COLEC12: variants seen among roughly 807,000 people sequenced by gnomAD.
The protein encoded by COLEC12 is collectin subfamily member 12.
Under a neutral mutation model 71.1 loss-of-function variants are expected in COLEC12, and 33 were observed. The ratio of observed to expected loss-of-function variants is 0.46; its 90% CI spans 0.35 to 0.62. COLEC12 has a LOEUF of 0.62. COLEC12 is among the 20% of genes least tolerant of loss of function. The pLI, the probability that COLEC12 is intolerant of heterozygous loss-of-function variation, is 0.00. For missense variants in COLEC12, 765 were observed against 916.1 expected, an observed-to-expected ratio of 0.84 and a Z score of 2.13; for synonymous variants, 350 against 353.0, an observed-to-expected ratio of 0.99 and a Z score of 0.10.
chr18:401,573 G>A (rs1539790), intron 2 of COLEC12, among the ~76,000 whole-genome samples: 34,562 of 152,164 alleles, frequency 0.23, 4,147 homozygotes, highest in Middle Eastern at 0.28. Flanking sequence ...AGTGCTCAGC[G>A]ACTGCCTCGG....
At chr18:369,351 A>G (rs888886139) in intron 2 of COLEC12, among the ~76,000 whole-genome samples, 1 of 151,038 alleles carries the variant, frequency 6.6e-6, no homozygotes, top group Non-Finnish European at 1.5e-5. Context: ...GACATGAAGC[A>G]TCGTTCCTTT....
chr18:494,915 T>C (rs1374937163), intron 1 of COLEC12, among the ~76,000 whole-genome samples: 1 of 152,214 alleles, frequency 6.6e-6, no homozygotes. Flanking sequence ...ATGTTTAATA[T>C]ATCCAAGTCC....
rs547419205 is a variant in COLEC12 at position 368,718 on chromosome 18, T to C, written c.59-11196A>G. Among the ~76,000 whole-genome samples the C allele has an allele frequency of 9.9e-5, 15 of 151,836 alleles. No individual in the cohort carries two copies. In the South Asian group the frequency reaches 1.7e-3, roughly 17 times the overall value. On this transcript the variant is annotated intron_variant, in intron 2 of 9. Coordinates refer to ENST00000400256, the MANE Select transcript of COLEC12 (RefSeq NM_130386.3). The stretch of plus-strand genomic sequence containing the variant: ...TCTCCACTAAAAAATACAAAAAAAT[T>C]AGCCGGGCGTGGTGGCGGGCGCCTG...
chr18:478,129 C>T (rs978091512), intron 2 of COLEC12, among the ~76,000 whole-genome samples: 61 of 152,242 alleles, frequency 4.0e-4, no homozygotes, highest in African/African-American at 1.4e-3. Context: ...GCTGCAGGGT[C>T]CCCCTCCACA....
At chr18:349,036 G>A (rs750433991) in intron 3 of COLEC12, among the ~76,000 whole-genome samples, 25 of 152,264 alleles carry the variant, frequency 1.6e-4, no homozygotes, top group Middle Eastern at 3.4e-3. Context: ...TCTTATCAGG[G>A]GTTTCCACTT....
intron 2 of COLEC12, among the ~76,000 whole-genome samples, chr18:437,137 C>T (rs1916423017): frequency 6.6e-6 from 1 of 152,204 alleles, no homozygotes; most frequent in Non-Finnish European, 1.5e-5. Context: ...TTGGCCCAAC[C>T]AAGGCCTCTC....
intron 2 of COLEC12, among the ~76,000 whole-genome samples, chr18:426,382 A>G (rs1416639688): frequency 6.6e-6 from 1 of 152,164 alleles, no homozygotes; most frequent in Non-Finnish European, 1.5e-5. Context: ...GGGGTCTGCG[A>G]GCAATTTTAC....
chr18:360,210 T>C lies in COLEC12; in HGVS notation c.59-2688A>G, dbSNP rs554798774. Among the ~76,000 whole-genome samples, 3 of 149,088 alleles carry C rather than the reference T, an allele frequency of 2.0e-5. No individual in the cohort carries two copies. In the South Asian group the frequency reaches 6.4e-4, roughly 32 times the overall value. Reference sequence around the variant, plus strand: ...TTTTTTTTTCTTTTTTGAGATGGAGTTTTGCTCTGTTGCCCAGGCTGGAGT... The same window carrying C: ...TTTTTTTTTCTTTTTTGAGATGGAGCTTTGCTCTGTTGCCCAGGCTGGAGT... On this transcript the variant is annotated intron_variant, in intron 2 of 9. Coordinates refer to ENST00000400256, the MANE Select transcript of COLEC12 (RefSeq NM_130386.3).
In COLEC12 at chr18:483,803, G is replaced by A. The variant is rs150721150; in HGVS notation, c.8-3046C>T. On this transcript the variant is annotated intron_variant, in intron 1 of 9. Transcript: ENST00000400256. ...TTTAAGAGAAACGCTGACCTGCTGCGTCTGCTTAGATATCCATTCGTTTGT... is the reference window on the plus strand; with the variant it reads ...TTTAAGAGAAACGCTGACCTGCTGCATCTGCTTAGATATCCATTCGTTTGT... Among the ~76,000 whole-genome samples the A allele has an allele frequency of 6.6e-5, 10 of 152,302 alleles. No individual in the cohort carries two copies. In the East Asian group the frequency reaches 1.3e-3, roughly 21 times the overall value.
intron 6 of COLEC12, 98 bp downstream of exon 6, chr18:334,644 C>T: frequency 1.7e-6 from 2 of 1,169,244 alleles, no homozygotes; most frequent in Non-Finnish European, 2.3e-6. Context: ...AAAACAAAAA[C>T]AAAAATAACA....
chr18:368,113 G>A (rs774684967), intron 2 of COLEC12, among the ~76,000 whole-genome samples: 37 of 152,274 alleles, frequency 2.4e-4, no homozygotes, highest in Admixed American at 2.0e-3. Context: ...GAACATGTAG[G>A]CTTATTTAAT....
At chr18:446,648 C>T (rs1321171818) in intron 2 of COLEC12, among the ~76,000 whole-genome samples, 1 of 151,690 alleles carries the variant, frequency 6.6e-6, no homozygotes, top group African/African-American at 2.4e-5. Context: ...GGTTGAGGAC[C>T]TTCCAAAGTT....
intron 2 of COLEC12, among the ~76,000 whole-genome samples, chr18:416,913 G>A (rs949193607): frequency 6.6e-6 from 1 of 151,974 alleles, no homozygotes; most frequent in Non-Finnish European, 1.5e-5. Flanking sequence ...AGGAAGGGAA[G>A]GGCATTCCAG....
chr18:389,204 CACAG>C (rs1915408190), intron 2 of COLEC12, among the ~76,000 whole-genome samples: 1 of 117,550 alleles, frequency 8.5e-6, no homozygotes, highest in Non-Finnish European at 2.0e-5. Context: ...TACACACACA[CACAG>C]ACACACACAC....
chr18:435,733 CTTAATA>C (rs1916391118), intron 2 of COLEC12, among the ~76,000 whole-genome samples: 1 of 152,130 alleles, frequency 6.6e-6, no homozygotes, highest in Admixed American at 6.5e-5. Context: ...TATCCCAAAT[CTTAATA>C]TTAACATTAT....
rs1915629556 is a variant in COLEC12, at chr18:399,183, C to CA, written c.59-41662dup. On this transcript the variant is annotated intron_variant, in intron 2 of 9. Coordinates refer to ENST00000400256, the MANE Select transcript of COLEC12 (RefSeq NM_130386.3). The surrounding 1 kb of genome is among the most constrained non-coding windows in gnomAD (Gnocchi z 4.0). ...AAAAACCCCAATCTGAAACACTATCCAAAAAACGCACAGCGGTGTCTGAAG... is the reference window on the plus strand; with the variant it reads ...AAAAACCCCAATCTGAAACACTATCCAAAAAAACGCACAGCGGTGTCTGAAG... 6.6e-6 allele frequency among the ~76,000 whole-genome samples: 1 copy of CA among 152,184 alleles called. No individual in the cohort carries two copies. The highest frequency in any genetic ancestry group is 2.4e-5 in the African/African-American group (1 of 41,428).
At chr18:461,733 G>C (rs1401933180) in intron 2 of COLEC12, among the ~76,000 whole-genome samples, 7 of 152,002 alleles carry the variant, frequency 4.6e-5, no homozygotes, top group Non-Finnish European at 8.8e-5. Context: ...CTTCAGGGTG[G>C]AGTTGAGACT....
intron 2 of COLEC12, among the ~76,000 whole-genome samples, chr18:457,504 A>G (rs1464637976): frequency 5.9e-5 from 9 of 152,182 alleles, no homozygotes; most frequent in Admixed American, 4.6e-4. Context: ...AAGCACACAT[A>G]TCCCAAAAGT....
chr18:326,818 T>C (rs1025310035), intron 8 of COLEC12, among the ~76,000 whole-genome samples: 1 of 152,256 alleles, frequency 6.6e-6, no homozygotes, highest in Non-Finnish European at 1.5e-5. Context: ...GTGTCTACTA[T>C]ATCCCTATCA....
Sources: allele counts gnomAD v4.1 joint callset (sites outside exome capture counted in the v4.1 genomes callset), GRCh38; gene constraint gnomAD v4.1.1; non-coding constraint Gnocchi (gnomAD v3.1); transcripts MANE v1.5; gene names NCBI Gene and HGNC (gene_info 2026-07-23, HGNC 2026-07-21).